Variants in ZNF892 observed in about 807,000 individuals in gnomAD.
ZNF892 encodes the protein zinc finger protein 892, also known as zinc finger protein 570-like.
the ZNF892 span, among the ~76,000 whole-genome samples, chr2:95,218,124 G>T: frequency 1.3e-5 from 2 of 152,098 alleles, no homozygotes; most frequent in African/African-American, 4.8e-5. Context: ...TTCTCCTGGG[G>T]CTGCTAAACC....
At chr2:95,208,074 G>C in the ZNF892 span, among the ~76,000 whole-genome samples, 1 of 152,184 alleles carries the variant, frequency 6.6e-6, no homozygotes. Context: ...TTTGGCTTTT[G>C]ATAATGACTT....
chr2:95,239,157 A>AC, the ZNF892 span, among the ~76,000 whole-genome samples: 1 of 151,296 alleles, frequency 6.6e-6, no homozygotes, highest in Admixed American at 6.6e-5. Context: ...AAAAAAAAAA[A>AC]AAAAAGTGGA....
chr2:95,230,939 T>C, the ZNF892 span, among the ~76,000 whole-genome samples: 1 of 152,220 alleles, frequency 6.6e-6, no homozygotes, highest in African/African-American at 2.4e-5. Context: ...GCTGCTTATG[T>C]ACAATTGGAC....
At chr2:95,212,888 G>A in the ZNF892 span, among the ~76,000 whole-genome samples, 1 of 152,210 alleles carries the variant, frequency 6.6e-6, no homozygotes, top group African/African-American at 2.4e-5. Flanking sequence ...CAAGAGAAAT[G>A]TTTTAAACAG....
chr2:95,224,706 A>G, the ZNF892 span, among the ~76,000 whole-genome samples: 39 of 152,224 alleles, frequency 2.6e-4, no homozygotes, highest in African/African-American at 7.7e-4. Context: ...CCACAGACCC[A>G]AACCATATCA....
At chr2:95,218,453 C>G in the ZNF892 span, among the ~76,000 whole-genome samples, 33 of 149,918 alleles carry the variant, frequency 2.2e-4, no homozygotes, top group Middle Eastern at 0.01. Context: ...CAAGAACCAC[C>G]TTTTTTTTTT....
the ZNF892 span, among the ~76,000 whole-genome samples, chr2:95,233,998 A>G: frequency 2.6e-5 from 4 of 152,198 alleles, no homozygotes; most frequent in African/African-American, 9.6e-5. Flanking sequence ...AATTTTGAGA[A>G]TAGGTCAGTT....
At chr2:95,247,716 A>G in the ZNF892 span, among the ~76,000 whole-genome samples, 1 of 152,334 alleles carries the variant, frequency 6.6e-6, no homozygotes, top group South Asian at 2.1e-4. Context: ...AAGACATACA[A>G]GTGGCCAACA....
At chr2:95,231,330 ACT>A in the ZNF892 span, among the ~76,000 whole-genome samples, 3 of 152,226 alleles carry the variant, frequency 2.0e-5, no homozygotes, top group African/African-American at 7.2e-5. Context: ...TTTATATGAA[ACT>A]CTAGAAAAGT....
the ZNF892 span, among the ~76,000 whole-genome samples, chr2:95,239,161 A>C: frequency 2.0e-5 from 3 of 151,316 alleles, no homozygotes; most frequent in Non-Finnish European, 3.0e-5. Context: ...AAAAAAAAAA[A>C]AGTGGAGCCT....
At chr2:95,254,813 G>A in the ZNF892 span, among the ~76,000 whole-genome samples, 2 of 152,106 alleles carry the variant, frequency 1.3e-5, no homozygotes, top group Admixed American at 1.3e-4. Flanking sequence ...GACTTGGGAG[G>A]GTGTATGTGT....
the ZNF892 span, among the ~76,000 whole-genome samples, chr2:95,211,322 T>C: frequency 1.3e-5 from 2 of 152,242 alleles, no homozygotes; most frequent in African/African-American, 4.8e-5. Flanking sequence ...AATTCTGTAG[T>C]TCTGTAATTT....
chr2:95,240,352 A>G, the ZNF892 span, among the ~76,000 whole-genome samples: 1 of 152,234 alleles, frequency 6.6e-6, no homozygotes, highest in Non-Finnish European at 1.5e-5. Flanking sequence ...AGCAGCACAG[A>G]GCCAAAGGAA....
the ZNF892 span, among the ~76,000 whole-genome samples, chr2:95,234,483 G>A: frequency 1.0e-3 from 153 of 152,280 alleles, no homozygotes; most frequent in Non-Finnish European, 1.7e-3. Flanking sequence ...CTGGACGGAC[G>A]GGCCTGGCAG....
At chr2:95,253,436 G>T in the ZNF892 span, among the ~76,000 whole-genome samples, 2 of 152,124 alleles carry the variant, frequency 1.3e-5, no homozygotes, top group African/African-American at 4.8e-5. Flanking sequence ...CTGTTCCATT[G>T]GTCTATATAT....
the ZNF892 span, among the ~76,000 whole-genome samples, chr2:95,259,971 C>A: frequency 6.6e-6 from 1 of 152,188 alleles, no homozygotes; most frequent in Non-Finnish European, 1.5e-5. Context: ...CAGGGAGGAG[C>A]CGCACTTAAC....
the ZNF892 span, among the ~76,000 whole-genome samples, chr2:95,219,738 A>G: frequency 9.9e-5 from 15 of 152,182 alleles, no homozygotes; most frequent in Non-Finnish European, 1.8e-4. Flanking sequence ...GTGGTGGAGA[A>G]AGTGTTGCAG....
the ZNF892 span, among the ~76,000 whole-genome samples, chr2:95,254,293 G>A: frequency 9.9e-5 from 15 of 152,284 alleles, no homozygotes; most frequent in African/African-American, 2.2e-4. Flanking sequence ...AGCATGAAGC[G>A]TTGTTGAATT....
At chr2:95,245,116 C>T in the ZNF892 span, among the ~76,000 whole-genome samples, 4 of 151,998 alleles carry the variant, frequency 2.6e-5, no homozygotes, top group Non-Finnish European at 4.4e-5. Flanking sequence ...ATCCTAACAT[C>T]GTAGCTAAAA....
Sources: allele counts gnomAD v4.1 joint callset (sites outside exome capture counted in the v4.1 genomes callset), GRCh38; gene constraint gnomAD v4.1.1; transcripts MANE v1.5; gene names NCBI Gene and HGNC (gene_info 2026-07-23, HGNC 2026-07-21).